The following EXOC4 variants were observed in gnomAD, a reference collection of about 807,000 sequenced individuals.
EXOC4 encodes SEC8-like 1.
A neutral mutation model predicts 107.2 loss-of-function variants in EXOC4; 71 were observed. The observed-to-expected ratio is 0.66, with a 90% CI of 0.55 to 0.81. The LOEUF is 0.81. Ranked by LOEUF, EXOC4 falls within the 30% of genes least tolerant of loss-of-function variation. The pLI, the probability that EXOC4 is intolerant of heterozygous loss-of-function variation, is 0.00. For missense variants in EXOC4, 1,108 were observed against 1,189.6 expected, an observed-to-expected ratio of 0.93 and a Z score of 1.01; for synonymous variants, 456 against 441.2, an observed-to-expected ratio of 1.03 and a Z score of -0.42.
intron 2 of EXOC4, among the ~76,000 whole-genome samples, chr7:133,283,856 G>A (rs1794215344): frequency 6.6e-6 from 1 of 152,040 alleles, no homozygotes; most frequent in Non-Finnish European, 1.5e-5. Context: ...TCCCTCTTTT[G>A]TGTCTAGTTT....
At chr7:133,920,368 T>C (rs1799911474) in intron 13 of EXOC4, among the ~76,000 whole-genome samples, 1 of 152,194 alleles carries the variant, frequency 6.6e-6, no homozygotes, top group Non-Finnish European at 1.5e-5. Flanking sequence ...TGCAGAGAAG[T>C]TTTAATTAAG....
chr7:133,702,707 A>G (rs1244567211), intron 10 of EXOC4, among the ~76,000 whole-genome samples: 1 of 152,068 alleles, frequency 6.6e-6, no homozygotes, highest in African/African-American at 2.4e-5. Context: ...ATGAGGAAGC[A>G]TTGTGCTAGG....
intron 10 of EXOC4, among the ~76,000 whole-genome samples, chr7:133,745,127 C>T (rs991129118): frequency 6.6e-6 from 1 of 152,092 alleles, no homozygotes; most frequent in South Asian, 2.1e-4. Context: ...TTCTACTGCT[C>T]TGCCTTTTTT....
intron 7 of EXOC4, among the ~76,000 whole-genome samples, chr7:133,467,258 T>A (rs1039951559): frequency 3.2e-4 from 47 of 147,060 alleles, no homozygotes; most frequent in African/African-American, 1.1e-3. Context: ...ACTGATTAAA[T>A]TTTGTTCATT....
chr7:133,279,592 C>T (rs551201837), intron 2 of EXOC4, among the ~76,000 whole-genome samples: 72 of 152,306 alleles, frequency 4.7e-4, no homozygotes, highest in African/African-American at 1.7e-3. Context: ...TATCATGAAT[C>T]GCCATAGCCT....
intron 14 of EXOC4, among the ~76,000 whole-genome samples, chr7:133,959,777 T>C (rs1277595018): frequency 6.6e-6 from 1 of 151,972 alleles, no homozygotes; most frequent in African/African-American, 2.4e-5. Context: ...TTGTCAAAAG[T>C]GGCAGAGGAA....
intron 6 of EXOC4, among the ~76,000 whole-genome samples, chr7:133,369,947 G>T (rs1248339268): frequency 1.3e-5 from 2 of 151,922 alleles, no homozygotes; most frequent in Admixed American, 6.6e-5. Context: ...TGGGATTACA[G>T]GCATGCACCA....
intron 12 of EXOC4, among the ~76,000 whole-genome samples, chr7:133,903,262 G>C (rs1208716902): frequency 1.3e-5 from 2 of 152,208 alleles, no homozygotes; most frequent in African/African-American, 4.8e-5. Context: ...TACAAGGATT[G>C]TGCGTAGGAG....
intron 7 of EXOC4, among the ~76,000 whole-genome samples, chr7:133,467,285 G>C (rs1584939899): frequency 7.4e-6 from 1 of 135,050 alleles, no homozygotes; most frequent in South Asian, 2.3e-4. Flanking sequence ...TCTCTGCATT[G>C]ACTCTTAAAT....
At chr7:134,012,954 G>C (rs1054917203) in intron 17 of EXOC4, among the ~76,000 whole-genome samples, 1 of 152,202 alleles carries the variant, frequency 6.6e-6, no homozygotes, top group Non-Finnish European at 1.5e-5. Flanking sequence ...ATTAGCTCAA[G>C]ACAGAGAACT....
At position 133,787,955 on chromosome 7, in the gene EXOC4, TTATATATTTATATATA is replaced by T. The variant is rs1405376799; in HGVS notation, c.1515-29362_1515-29347del. ...AGATACTTCTTCCCTGTGCATATAT[TTATATATTTATATATA>T]TATATATATATATATATATATATAT... is the stretch of plus-strand genomic sequence containing the variant. On this transcript the variant is annotated intron_variant, in intron 10 of 17. Transcript: ENST00000253861. 3.4e-3 allele frequency among the ~76,000 whole-genome samples: 107 copies of T among 31,636 alleles called. 4 individuals are homozygous for T. In the East Asian group the frequency reaches 0.043, roughly 13 times the overall value. The allele number at this position is 31,636 out of a possible 152,430, so 20.8% of individuals were successfully genotyped here.
intron 10 of EXOC4, among the ~76,000 whole-genome samples, chr7:133,803,784 G>T (rs971547107): frequency 3.9e-5 from 6 of 152,104 alleles, no homozygotes; most frequent in Admixed American, 2.6e-4. Context: ...CAGGGGATAT[G>T]AAAACATAAA....
At chr7:133,489,807 T>G (rs559390250) in intron 9 of EXOC4, among the ~76,000 whole-genome samples, 1 of 152,290 alleles carries the variant, frequency 6.6e-6, no homozygotes, top group Non-Finnish European at 1.5e-5. Flanking sequence ...AATGTGTCAC[T>G]TATATGGTCA....
chr7:134,048,104 C>T (rs748311930), intron 17 of EXOC4, among the ~76,000 whole-genome samples: 9 of 152,144 alleles, frequency 5.9e-5, no homozygotes, highest in Admixed American at 2.6e-4. Flanking sequence ...AAGTGGGGGC[C>T]ACAAGACCAG....
At chr7:133,579,596 A>G (rs1483496671) in intron 9 of EXOC4, among the ~76,000 whole-genome samples, 1 of 151,988 alleles carries the variant, frequency 6.6e-6, no homozygotes, top group Non-Finnish European at 1.5e-5. Flanking sequence ...ACTCTTTTTC[A>G]TCTTACAAAA....
intron 11 of EXOC4, among the ~76,000 whole-genome samples, chr7:133,827,196 T>A: frequency 6.6e-6 from 1 of 152,220 alleles, no homozygotes; most frequent in East Asian, 1.9e-4. Context: ...CCTTTATTGA[T>A]ATAATATTAC....
chr7:133,875,252 A>G (rs1347761759), intron 11 of EXOC4, among the ~76,000 whole-genome samples: 3 of 152,196 alleles, frequency 2.0e-5, no homozygotes, highest in Non-Finnish European at 4.4e-5. Context: ...ATTGATTGAG[A>G]TATTTGCAAG....
intron 13 of EXOC4, among the ~76,000 whole-genome samples, chr7:133,933,688 A>G (rs1427276244): frequency 6.6e-6 from 1 of 152,190 alleles, no homozygotes; most frequent in Non-Finnish European, 1.5e-5. Context: ...TCTGCAGGGG[A>G]CAAGTGACTG....
intron 9 of EXOC4, among the ~76,000 whole-genome samples, chr7:133,607,798 T>C (rs990027233): frequency 2.0e-5 from 3 of 152,234 alleles, no homozygotes; most frequent in African/African-American, 7.2e-5. Context: ...GTGCCTGCTA[T>C]ATGCTATGTG....
Sources: gnomAD v4.1 joint callset for allele counts (sites outside exome capture counted in the v4.1 genomes callset) on GRCh38, gnomAD v4.1.1 for gene constraint, MANE v1.5 for transcripts, NCBI Gene and HGNC (gene_info 2026-07-23, HGNC 2026-07-21) for gene names.